Variants in FAT4 observed in about 807,000 individuals in gnomAD.
FAT4 encodes the protein FAT atypical cadherin 4.
Under a neutral mutation model 303.9 loss-of-function variants are expected in FAT4, and 84 were observed. The ratio of observed to expected loss-of-function variants is 0.28; its 90% CI spans 0.23 to 0.33. The LOEUF is 0.33. FAT4 is among the 10% of genes least tolerant of loss of function. FAT4 has a pLI of 1.00. For missense variants in FAT4, 6,005 were observed against 6,146.8 expected, an observed-to-expected ratio of 0.98 and a Z score of 0.77; for synonymous variants, 2,307 against 2,298.8, an observed-to-expected ratio of 1.00 and a Z score of -0.10.
rs1394906065 is a variant in FAT4 at position 125,452,228 on chromosome 4, A to G, written c.11218A>G (p.Ser3740Gly). The change falls in exon 10 of 18, where the codon AGC (serine) becomes GGC (glycine). Residue 3740 changes from serine (S) to glycine (G), a missense_variant. Physicochemically the swap from Ser to Gly is moderately conservative, Grantham distance 56. Transcript: ENST00000394329. Reference sequence around the variant, plus strand: ...CTATCTTCATTTTTTACGCATTGCCAGCTCACAGCTGACAGGCTTAGGGAC... The same window carrying G: ...CTATCTTCATTTTTTACGCATTGCCGGCTCACAGCTGACAGGCTTAGGGAC... ...NHYLHFLRIASSQLTGLGTAV... is the reference protein window; with the variant it reads ...NHYLHFLRIAGSQLTGLGTAV... 1 of 1,614,120 alleles carries G rather than the reference A, an allele frequency of 6.2e-7. No homozygotes were observed. Among genetic ancestry groups the G allele is most frequent in the Non-Finnish European group, 8.5e-7 (1 of 1,180,040 alleles).
intron 8 of FAT4, among the ~76,000 whole-genome samples, chr4:125,445,032 C>T (rs1275988805): frequency 2.0e-5 from 3 of 152,034 alleles, no homozygotes; most frequent in African/African-American, 7.2e-5. Context: ...CTAATAGTCA[C>T]TTCTGGCCCA....
At position 125,476,172 on chromosome 4, in the gene FAT4, C is replaced by T; in HGVS notation, c.12215C>T (p.Ala4072Val). 1 of 1,584,598 alleles carries T rather than the reference C, an allele frequency of 6.3e-7. No individual in the cohort carries two copies. The highest frequency in any genetic ancestry group is 8.6e-7 in the Non-Finnish European group (1 of 1,159,134). ...ATGTTTCTTTCTCTTGCTTCGTAGG[C>T]AGCCTCCTTAACTGTGGACTCCTGT... ...HTVIARRAGM[A>V]ASLTVDSCSE... The change falls in exon 13 of 18, where the codon GCA becomes GTA. Residue 4072 changes from alanine (A) to valine (V), a missense_variant and splice_region_variant. By Grantham distance (64) the Ala-to-Val change is moderately conservative. Coordinates refer to ENST00000394329, the MANE Select transcript of FAT4 (RefSeq NM_001291303.3).
chr4:125,487,377 T>C lies in FAT4; in HGVS notation c.12855T>C (p.Asp4285=), dbSNP rs78040862. 7,861 of 1,613,850 alleles carry C rather than the reference T, an allele frequency of 4.9e-3. 31 individuals are homozygous for C. Among genetic ancestry groups the C allele is most frequent in the Middle Eastern group, 0.019 (113 of 6,062 alleles). ...IKNGKVYFTS[D]AGIAGKVERN... ...ATGGCAAAGTATATTTTACATCCGA[T>C]GCAGGAATTGCTGGGAAAGTGGAGA... The change falls in exon 17 of 18, where the codon GAT becomes GAC. Residue 4285 remains aspartate, a synonymous_variant. Coordinates refer to ENST00000394329, the MANE Select transcript of FAT4 (RefSeq NM_001291303.3).
intron 2 of FAT4, among the ~76,000 whole-genome samples, chr4:125,336,807 A>G (rs967450019): frequency 1.4e-5 from 2 of 144,486 alleles, no homozygotes; most frequent in African/African-American, 5.2e-5. Flanking sequence ...ATATGTTAGA[A>G]CAAATTTAAT....
chr4:125,383,346 T>C (rs1194648024), intron 2 of FAT4, among the ~76,000 whole-genome samples: 1 of 151,992 alleles, frequency 6.6e-6, no homozygotes, highest in Admixed American at 6.5e-5. Context: ...TTCCATATTG[T>C]TGTTCTCAGG....
chr4:125,356,546 TTTG>T (rs1216887149), intron 2 of FAT4, among the ~76,000 whole-genome samples: 33 of 107,544 alleles, frequency 3.1e-4, no homozygotes, highest in Middle Eastern at 4.0e-3. Context: ...TGTTTTGTTT[TTTG>T]TTTTTTTTTT....
At chr4:125,446,262 G>T (rs1180931947) in intron 8 of FAT4, 31 bp from the exon 9 acceptor site, 1 of 1,590,360 alleles carries the variant, frequency 6.3e-7, no homozygotes, top group Admixed American at 1.7e-5. Context: ...AAAACTATAT[G>T]ACATATCCCT....
chr4:125,465,278 A>G (rs978567482), intron 11 of FAT4, among the ~76,000 whole-genome samples: 1 of 152,196 alleles, frequency 6.6e-6, no homozygotes, highest in Non-Finnish European at 1.5e-5. Flanking sequence ...CTGTGAAGTA[A>G]TGAAAGGTAT....
At chr4:125,488,215 A>G (rs1002682573) in intron 17 of FAT4, among the ~76,000 whole-genome samples, 1 of 152,338 alleles carries the variant, frequency 6.6e-6, no homozygotes, top group Non-Finnish European at 1.5e-5. Flanking sequence ...GTTTAAGCCA[A>G]AGTTATAGAA....
Position 125,491,771 on chromosome 4 carries a change from T to G in FAT4, c.*3T>G. Reference sequence around the variant, plus strand: ...GGGAAGCAGAACAGTATGTGTGAAGTTTATGTACTGGCACTATAAAATATA... The same window carrying G: ...GGGAAGCAGAACAGTATGTGTGAAGGTTATGTACTGGCACTATAAAATATA... On this transcript the variant is annotated 3_prime_UTR_variant, in exon 18 of 18. Coordinates refer to ENST00000394329, the MANE Select transcript of FAT4 (RefSeq NM_001291303.3). The G allele has an allele frequency of 6.3e-7, 1 of 1,598,472 alleles. No individual in the cohort carries two copies. The highest frequency in any genetic ancestry group is 1.4e-5 in the African/African-American group (1 of 73,982).
chr4:125,463,020 T>C (rs1417575346), intron 10 of FAT4, among the ~76,000 whole-genome samples: 1 of 152,072 alleles, frequency 6.6e-6, no homozygotes, highest in African/African-American at 2.4e-5. Context: ...TAGTCAAGAA[T>C]AAATTTTCAT....
chr4:125,373,266 C>G (rs1434219465), intron 2 of FAT4, among the ~76,000 whole-genome samples: 1 of 151,928 alleles, frequency 6.6e-6, no homozygotes, highest in Non-Finnish European at 1.5e-5. Flanking sequence ...ATCAGAATTG[C>G]CATGATGCAG....
At chr4:125,328,536 T>C (rs1731249810) in intron 2 of FAT4, among the ~76,000 whole-genome samples, 1 of 152,218 alleles carries the variant, frequency 6.6e-6, no homozygotes, top group Non-Finnish European at 1.5e-5. Flanking sequence ...TTGAAAGACA[T>C]TTAGAAACAT....
intron 8 of FAT4, among the ~76,000 whole-genome samples, chr4:125,438,653 G>A (rs1725542678): frequency 1.3e-5 from 2 of 152,084 alleles, no homozygotes; most frequent in African/African-American, 4.8e-5. Flanking sequence ...CAAATTAACA[G>A]GGCAAACAAT....
At position 125,450,510 on chromosome 4, in the gene FAT4, G is replaced by C; in HGVS notation, c.9500G>C (p.Ser3167Thr). Residue 3167 changes from serine to threonine, a missense_variant, in exon 10 of 18, where the codon AGT becomes ACT. Transcript: ENST00000394329. ...ELCQKHEMTI[S>T]AIDGGWVART... Reference sequence around the variant, plus strand: ...TGCCAGAAACACGAAATGACGATTAGTGCTATAGATGGAGGATGGGTTGCA... The same window carrying C: ...TGCCAGAAACACGAAATGACGATTACTGCTATAGATGGAGGATGGGTTGCA... 1 of 1,614,136 alleles carries C rather than the reference G, an allele frequency of 6.2e-7. No individual in the cohort carries two copies. The highest frequency in any genetic ancestry group is 8.5e-7 in the Non-Finnish European group (1 of 1,180,016).
At position 125,449,528 on chromosome 4, in the gene FAT4, A is replaced by C. The variant is rs143112169; in HGVS notation, c.8518A>C (p.Thr2840Pro). The change falls in exon 10 of 18, where the codon ACA (threonine) becomes CCA (proline). Residue 2840 changes from threonine to proline, a missense_variant. Transcript: ENST00000394329. ...AAGCAGACCTTTAAATAGGGAAGATACAGACCGTTACAGAATTCGAGTTTC... is the reference window on the plus strand; with the variant it reads ...AAGCAGACCTTTAAATAGGGAAGATCCAGACCGTTACAGAATTCGAGTTTC... ...VISRPLNRED[T>P]DRYRIRVSAH... The C allele has an allele frequency of 1.4e-5, 22 of 1,613,608 alleles. No homozygotes were observed. The highest frequency in any genetic ancestry group is 1.9e-5 in the Non-Finnish European group (22 of 1,179,716).
chr4:125,409,444 C>T (rs534699128), intron 5 of FAT4, among the ~76,000 whole-genome samples: 5 of 152,054 alleles, frequency 3.3e-5, no homozygotes, highest in South Asian at 2.1e-4. Context: ...TTAGTAGAGA[C>T]GGGGTTTCTC....
At chr4:125,411,564 A>G (rs999554482) in intron 5 of FAT4, among the ~76,000 whole-genome samples, 3 of 151,726 alleles carry the variant, frequency 2.0e-5, no homozygotes, top group African/African-American at 4.8e-5. Flanking sequence ...CTTTATAAAG[A>G]TGGGTGTTAT....
chr4:125,348,274 TA>T (rs1732084148), intron 2 of FAT4, among the ~76,000 whole-genome samples: 1 of 151,912 alleles, frequency 6.6e-6, no homozygotes, highest in African/African-American at 2.4e-5. Flanking sequence ...CGTATTCTTT[TA>T]TATATAAAAT....
Sources: gnomAD v4.1 joint callset for allele counts (sites outside exome capture counted in the v4.1 genomes callset) on GRCh38, gnomAD v4.1.1 for gene constraint, MANE v1.5 for transcripts, NCBI Gene and HGNC (gene_info 2026-07-23, HGNC 2026-07-21) for gene names.